Variants in ARHGEF4 observed in about 807,000 individuals in gnomAD.
The protein encoded by ARHGEF4 is APC-stimulated guanine nucleotide exchange factor 1.
In ARHGEF4, 119 loss-of-function variants were observed where a neutral mutation model predicts 162.0. That is an observed-to-expected ratio of 0.73 (90% CI 0.63 to 0.86). ARHGEF4 has a LOEUF of 0.86. Among genes scored for constraint, ARHGEF4 ranks in the 40% least tolerant of loss-of-function variants. ARHGEF4 has a pLI of 0.00. For missense variants in ARHGEF4, 2,488 were observed against 2,456.0 expected (o/e 1.01, Z -0.28); for synonymous variants, 1,014 against 979.9 (o/e 1.03, Z -0.65).
chr2:131,018,488 T>A (rs1388467183), intron 4 of ARHGEF4, among the ~76,000 whole-genome samples: 1 of 152,216 alleles, frequency 6.6e-6, no homozygotes, highest in African/African-American at 2.4e-5. Context: ...CAAAAATGTA[T>A]TCTGGATGTT....
At chr2:130,918,210 A>T (rs1334527536) in intron 2 of ARHGEF4, among the ~76,000 whole-genome samples, 2 of 152,134 alleles carry the variant, frequency 1.3e-5, no homozygotes, top group Non-Finnish European at 2.9e-5. Context: ...TCGTATTTAG[A>T]ATTTGATCCA....
At chr2:130,991,501 G>A (rs2105282850) in intron 4 of ARHGEF4, among the ~76,000 whole-genome samples, 1 of 152,346 alleles carries the variant, frequency 6.6e-6, no homozygotes, top group Non-Finnish European at 1.5e-5. Context: ...GCCAGCTGGA[G>A]TTCGGTGGGC....
At chr2:131,007,839 T>C (rs1243340075) in intron 4 of ARHGEF4, among the ~76,000 whole-genome samples, 1 of 131,120 alleles carries the variant, frequency 7.6e-6, no homozygotes, top group East Asian at 2.5e-4. Context: ...GGAGACAGAG[T>C]CTCGCCCTAT....
chr2:131,015,735 A>G (rs1402816914), intron 4 of ARHGEF4, among the ~76,000 whole-genome samples: 1 of 152,224 alleles, frequency 6.6e-6, no homozygotes, highest in African/African-American at 2.4e-5. Context: ...AAAAATAGAA[A>G]CAAACTCAGT....
At chr2:131,039,616 G>A in intron 6 of ARHGEF4, 1 of 1,070,338 alleles carries the variant, frequency 9.3e-7, no homozygotes, top group Non-Finnish European at 1.1e-6. Flanking sequence ...CTGGGAAACT[G>A]TCCACTCCGC....
intron 4 of ARHGEF4, among the ~76,000 whole-genome samples, chr2:130,971,815 C>T (rs1052639054): frequency 6.6e-5 from 10 of 152,192 alleles, no homozygotes; most frequent in Admixed American, 4.6e-4. Flanking sequence ...TGAGGCGAGG[C>T]GGCCACGCCA....
chr2:130,900,156 G>GA (rs1232511914), intron 1 of ARHGEF4, among the ~76,000 whole-genome samples: 1 of 152,054 alleles, frequency 6.6e-6, no homozygotes, highest in Non-Finnish European at 1.5e-5. Context: ...TTATTTCGGT[G>GA]AATGTTTCAT....
intron 1 of ARHGEF4, among the ~76,000 whole-genome samples, chr2:130,851,338 G>C (rs191203995): frequency 6.6e-6 from 1 of 152,254 alleles, no homozygotes; most frequent in African/African-American, 2.4e-5. Flanking sequence ...GCCCTGGTTC[G>C]CATCCATCAA....
At chr2:130,919,340 T>C (rs1681726735) in intron 2 of ARHGEF4, among the ~76,000 whole-genome samples, 1 of 152,190 alleles carries the variant, frequency 6.6e-6, no homozygotes, top group Non-Finnish European at 1.5e-5. Context: ...AGGGGTATTT[T>C]AATAGCTTTC....
chr2:130,848,308 A>T (rs1465683299), intron 1 of ARHGEF4, among the ~76,000 whole-genome samples: 1 of 152,046 alleles, frequency 6.6e-6, no homozygotes, highest in Non-Finnish European at 1.5e-5. Context: ...CAGCATACCG[A>T]CTCGACCCCA....
In ARHGEF4 at chr2:130,946,905, C is replaced by A; in HGVS notation, c.3985+270C>A. 3 of 320,088 alleles carry A rather than the reference C, an allele frequency of 9.4e-6. No individual in the cohort carries two copies. In the South Asian group the frequency reaches 1.0e-4, roughly 11 times the overall value. 19.8% of individuals were successfully genotyped at this position (320,088 alleles called of 1,614,324 possible). A position where few individuals can be genotyped will look rare whatever the true frequency, so the allele number is the denominator to read the frequency against. Reference sequence around the variant, plus strand: ...ATCACTTGAGGTCAGGAGCTCAAGACCAGCCTGGGCAACATGGTGAAACCC... The same window carrying A: ...ATCACTTGAGGTCAGGAGCTCAAGAACAGCCTGGGCAACATGGTGAAACCC... On this transcript the variant is annotated intron_variant, in intron 4 of 13. Coordinates refer to ENST00000409359, the MANE Select transcript of ARHGEF4 (RefSeq NM_001367493.1).
intron 4 of ARHGEF4, among the ~76,000 whole-genome samples, chr2:130,965,837 A>G (rs537404087): frequency 6.6e-6 from 1 of 152,268 alleles, no homozygotes; most frequent in Non-Finnish European, 1.5e-5. Context: ...TTCCGAGATA[A>G]CAGCGATGCT....
intron 1 of ARHGEF4, 61 bp downstream of exon 1, chr2:130,837,053 A>C: frequency 8.2e-7 from 1 of 1,220,226 alleles, no homozygotes. Context: ...GGTGGGGAGG[A>C]GCACAGCCCG....
chr2:130,983,788 T>C (rs1686279399), intron 4 of ARHGEF4, among the ~76,000 whole-genome samples: 1 of 152,186 alleles, frequency 6.6e-6, no homozygotes, highest in African/African-American at 2.4e-5. Context: ...TAGCTGGGAC[T>C]ACAGGCGTCC....
chr2:130,983,896 G>A (rs1008493856), intron 4 of ARHGEF4, among the ~76,000 whole-genome samples: 8 of 152,198 alleles, frequency 5.3e-5, no homozygotes, highest in South Asian at 2.1e-4. Flanking sequence ...TGATCTGCCC[G>A]CTTCGGCCTC....
chr2:130,914,833 C>A lies in ARHGEF4; in HGVS notation c.887C>A (p.Pro296His). Reference protein sequence around the residue: ...SQPHSDVPCQPPLRTSCLLRT... With the variant: ...SQPHSDVPCQHPLRTSCLLRT... ...CCCCACTCGGATGTCCCCTGCCAGC[C>A]TCCTTTGAGGACATCTTGCCTCCTA... The change falls in exon 2 of 14, where the codon CCT becomes CAT. Residue 296 changes from proline (P) to histidine (H), a missense_variant. Pro to His is a moderately conservative substitution (Grantham distance 77). Coordinates refer to ENST00000409359, the MANE Select transcript of ARHGEF4 (RefSeq NM_001367493.1). 6.9e-7 allele frequency: 1 copy of A among 1,458,976 alleles called. No individual in the cohort carries two copies. Among genetic ancestry groups the A allele is most frequent in the Non-Finnish European group, 9.0e-7 (1 of 1,105,540 alleles). The allele number at this position is 1,458,976 out of a possible 1,614,324, so 90.4% of individuals were successfully genotyped here.
rs573811838 is a variant in ARHGEF4 at position 131,045,317 on chromosome 2, G to T, written c.5402-52G>T. 6.1e-5 allele frequency: 95 copies of T among 1,554,818 alleles called. 2 individuals carry two copies. The South Asian group carries it at 1.1e-3, about 18-fold the overall frequency. On this transcript the variant is annotated intron_variant, in intron 12 of 13. Coordinates refer to ENST00000409359, the MANE Select transcript of ARHGEF4 (RefSeq NM_001367493.1). ...GGAAGGTGCAGGTGTGCAGGGAACT[G>T]CACCTGGGGCCACGAAGTGGGGCAG... is the stretch of plus-strand genomic sequence containing the variant.
chr2:130,899,508 G>A (rs905070120), intron 1 of ARHGEF4, among the ~76,000 whole-genome samples: 2 of 152,344 alleles, frequency 1.3e-5, no homozygotes, highest in African/African-American at 4.8e-5. Context: ...GACAGCATGT[G>A]TGTCTGCTGT....
At chr2:130,958,658 A>G (rs556231640) in intron 4 of ARHGEF4, among the ~76,000 whole-genome samples, 59 of 151,616 alleles carry the variant, frequency 3.9e-4, no homozygotes, top group African/African-American at 1.4e-3. Flanking sequence ...GATCTGCCCA[A>G]CTCAGCCTCC....
Sources: allele counts gnomAD v4.1 joint callset (sites outside exome capture counted in the v4.1 genomes callset), GRCh38; gene constraint gnomAD v4.1.1; transcripts MANE v1.5; gene names NCBI Gene and HGNC (gene_info 2026-07-23, HGNC 2026-07-21).